HS6ST3: variants seen among roughly 807,000 people sequenced by gnomAD.
The protein encoded by HS6ST3 is heparan-sulfate 6-O-sulfotransferase 3.
HS6ST3 carries 12 observed loss-of-function variants against 36.7 expected under a neutral mutation model. The observed-to-expected ratio is 0.33, with a 90% CI of 0.21 to 0.53. The LOEUF (loss-of-function observed/expected upper bound fraction) is 0.53. HS6ST3 is among the 20% of genes least tolerant of loss of function. The pLI, the probability that HS6ST3 is intolerant of heterozygous loss-of-function variation, is 0.95. For missense variants in HS6ST3, 584 were observed against 640.9 expected (o/e 0.91, Z 0.96); for synonymous variants, 240 against 257.5 (o/e 0.93, Z 0.65).
intron 1 of HS6ST3, among the ~76,000 whole-genome samples, chr13:96,421,280 G>T (rs1344575748): frequency 6.6e-6 from 1 of 152,140 alleles, no homozygotes; most frequent in Non-Finnish European, 1.5e-5. Context: ...AAAGAAGAGA[G>T]ATTCGTAAAT....
chr13:96,681,960 C>T (rs998368701), intron 1 of HS6ST3, among the ~76,000 whole-genome samples: 1 of 152,074 alleles, frequency 6.6e-6, no homozygotes, highest in African/African-American at 2.4e-5. Flanking sequence ...TGCTGACTAC[C>T]TGGACAAAGT....
chr13:96,789,545 A>G (rs1259735129), intron 1 of HS6ST3, among the ~76,000 whole-genome samples: 2 of 151,650 alleles, frequency 1.3e-5, no homozygotes, highest in Admixed American at 6.6e-5. Context: ...CAGGTTTCCC[A>G]CTCATATCAT....
At chr13:96,453,750 G>T (rs930745014) in intron 1 of HS6ST3, among the ~76,000 whole-genome samples, 3 of 152,178 alleles carry the variant, frequency 2.0e-5, no homozygotes, top group Non-Finnish European at 4.4e-5. Context: ...TGGACAGCAA[G>T]ACTAGGATTA....
At chr13:96,731,820 T>A (rs1472692564) in intron 1 of HS6ST3, among the ~76,000 whole-genome samples, 1 of 151,952 alleles carries the variant, frequency 6.6e-6, no homozygotes, top group Non-Finnish European at 1.5e-5. Context: ...CACACCCAGC[T>A]AAATGTTTTT....
chr13:96,642,212 C>T (rs1430219769), intron 1 of HS6ST3, among the ~76,000 whole-genome samples: 1 of 151,808 alleles, frequency 6.6e-6, no homozygotes, highest in Non-Finnish European at 1.5e-5. Context: ...CTACTGTCTT[C>T]AGGCCTTCAT....
At chr13:96,541,176 G>T (rs1306756760) in intron 1 of HS6ST3, among the ~76,000 whole-genome samples, 4 of 152,044 alleles carry the variant, frequency 2.6e-5, no homozygotes, top group Non-Finnish European at 5.9e-5. Flanking sequence ...GGGATCACAG[G>T]TGCCCGCTGC....
At chr13:96,359,407 G>A (rs1042289371) in intron 1 of HS6ST3, among the ~76,000 whole-genome samples, 1 of 152,132 alleles carries the variant, frequency 6.6e-6, no homozygotes, top group African/African-American at 2.4e-5. Context: ...TAAGAATGTG[G>A]AAAACTGTCT....
At chr13:96,689,117 T>C (rs1003803332) in intron 1 of HS6ST3, among the ~76,000 whole-genome samples, 4 of 152,096 alleles carry the variant, frequency 2.6e-5, no homozygotes, top group Non-Finnish European at 4.4e-5. Flanking sequence ...TCTCTTAGTT[T>C]CCTCTTCTGT....
chr13:96,712,790 C>G (rs559656371), intron 1 of HS6ST3, among the ~76,000 whole-genome samples: 2 of 152,272 alleles, frequency 1.3e-5, no homozygotes, highest in South Asian at 4.1e-4. Flanking sequence ...ACACCCAGTT[C>G]ATTTAAAGGA....
intron 1 of HS6ST3, among the ~76,000 whole-genome samples, chr13:96,387,026 T>C (rs759940374): frequency 5.3e-5 from 8 of 152,136 alleles, no homozygotes; most frequent in Non-Finnish European, 1.2e-4. Flanking sequence ...CCTCCCAGGC[T>C]CAGGTGATCC....
intron 1 of HS6ST3, among the ~76,000 whole-genome samples, chr13:96,363,257 A>T (rs2055247385): frequency 1.3e-5 from 2 of 151,176 alleles, no homozygotes; most frequent in Non-Finnish European, 2.9e-5. Flanking sequence ...CATCAATGGG[A>T]GTGGGTGAAG....
At chr13:96,156,863 C>T (rs1279143775) in intron 1 of HS6ST3, among the ~76,000 whole-genome samples, 1 of 152,144 alleles carries the variant, frequency 6.6e-6, no homozygotes, top group African/African-American at 2.4e-5. Flanking sequence ...TAAATGCAGG[C>T]AGAGTATAGG....
At chr13:96,736,664 G>A (rs976148812) in intron 1 of HS6ST3, among the ~76,000 whole-genome samples, 62 of 152,084 alleles carry the variant, frequency 4.1e-4, no homozygotes, top group African/African-American at 1.4e-3. Context: ...TTACCCCCAA[G>A]AGAATAAGAA....
chr13:96,501,878 G>C (rs1240437399), intron 1 of HS6ST3, among the ~76,000 whole-genome samples: 1 of 152,208 alleles, frequency 6.6e-6, no homozygotes, highest in Non-Finnish European at 1.5e-5. Flanking sequence ...CAAAACTTTT[G>C]TTAGCTAGCA....
At chr13:96,094,053 A>G (rs764804904) in intron 1 of HS6ST3, among the ~76,000 whole-genome samples, 3 of 152,170 alleles carry the variant, frequency 2.0e-5, no homozygotes, top group Non-Finnish European at 4.4e-5. Context: ...TCAGAGATCA[A>G]TGCCCTTATG....
intron 1 of HS6ST3, among the ~76,000 whole-genome samples, chr13:96,306,398 A>T (rs1287129178): frequency 2.0e-5 from 3 of 151,994 alleles, no homozygotes; most frequent in African/African-American, 7.2e-5. Context: ...TTTAGTAGAC[A>T]TGGGGTTTCA....
chr13:96,832,629 A>G lies in HS6ST3; in HGVS notation c.847A>G (p.Thr283Ala). 2 of 1,614,126 alleles carry G rather than the reference A, an allele frequency of 1.2e-6. No individual in the cohort carries two copies. Among genetic ancestry groups the G allele is most frequent in the Non-Finnish European group, 1.7e-6 (2 of 1,179,994 alleles). Residue 283 changes from threonine (T) to alanine (A), a missense_variant, in exon 2 of 2, where the codon ACC becomes GCC. By Grantham distance (58) the Thr-to-Ala change is moderately conservative. Around this residue, in one of 3 missense-constraint regions of HS6ST3, gnomAD observed 360 missense variants for 411.3 expected, o/e 0.88. Coordinates refer to ENST00000376705, the MANE Select transcript of HS6ST3 (RefSeq NM_153456.4). ...AAGCCCCACCCCAGATGAGCTGCCT[A>G]CCTGCTACCCTGGGGATGACTGGTC... ...GRSPTPDELP[T>A]CYPGDDWSGV... is the part of the protein sequence containing the mutation.
intron 1 of HS6ST3, among the ~76,000 whole-genome samples, chr13:96,620,165 T>C (rs191039813): frequency 2.0e-5 from 3 of 152,318 alleles, no homozygotes; most frequent in East Asian, 1.9e-4. Flanking sequence ...CCCAAAACTA[T>C]TGCTATAAAA....
intron 1 of HS6ST3, among the ~76,000 whole-genome samples, chr13:96,456,540 A>G (rs997929719): frequency 6.6e-5 from 10 of 152,216 alleles, no homozygotes; most frequent in Non-Finnish European, 7.4e-5. Context: ...GCTAATATCT[A>G]TCATGTATAT....
Sources: allele counts gnomAD v4.1 joint callset (sites outside exome capture counted in the v4.1 genomes callset), GRCh38; gene constraint gnomAD v4.1.1; regional missense constraint gnomAD v4.1.1; transcripts MANE v1.5; gene names NCBI Gene and HGNC (gene_info 2026-07-23, HGNC 2026-07-21).